Variants in OSMR observed in about 807,000 individuals in gnomAD.
The protein encoded by OSMR is oncostatin M receptor, also known as oncostatin-M-specific receptor subunit beta.
OSMR carries 81 observed loss-of-function variants against 99.9 expected under a neutral mutation model. The ratio of observed to expected loss-of-function variants is 0.81; its 90% CI spans 0.68 to 0.97. The LOEUF is 0.97. Ranked by LOEUF, OSMR falls within the 50% of genes least tolerant of loss-of-function variation. The pLI is 0.00. For missense variants in OSMR, 1,099 were observed against 1,153.4 expected (o/e 0.95, Z 0.68); for synonymous variants, 406 against 410.4 (o/e 0.99, Z 0.13).
intron 3 of OSMR, 109 bp downstream of exon 3, chr5:38,876,482 C>T (rs71621888): frequency 0.19 from 156,246 of 808,550 alleles, 16,107 homozygotes; most frequent in Admixed American, 0.28. Context: ...ATATTAGCAG[C>T]TCAAAACAGT....
chr5:38,887,806 C>T (rs1367930669), intron 7 of OSMR, among the ~76,000 whole-genome samples: 1 of 152,126 alleles, frequency 6.6e-6, no homozygotes, highest in Admixed American at 6.5e-5. Context: ...CTAAATCTTC[C>T]TGTGCGTGGA....
rs1194767611 is a variant in OSMR at position 38,924,705 on chromosome 5, T to G, written c.2044+110T>G. On this transcript the variant is annotated intron_variant, in intron 14 of 17. Coordinates refer to ENST00000274276, the MANE Select transcript of OSMR (RefSeq NM_003999.3). ...CTGTGGCCAGGCTGAATTCCCTTCT[T>G]GCATGGCTTTATACTGGAAAGGTGT... The G allele has an allele frequency of 1.1e-5, 11 of 961,692 alleles. No individual in the cohort carries two copies. The East Asian group carries it at 2.8e-4, about 24-fold the overall frequency. 59.6% of individuals were successfully genotyped at this position (961,692 alleles called of 1,614,324 possible).
At chr5:38,935,670 G>T (rs1746985434), downstream of OSMR, 1 of 152,094 alleles carries the variant, frequency 6.6e-6, no homozygotes, top group African/African-American at 2.4e-5. Context: ...TCAATGAAAT[G>T]AAAATCTAGT....
chr5:38,870,031 T>TG (rs963456591), intron 2 of OSMR, among the ~76,000 whole-genome samples: 1 of 151,786 alleles, frequency 6.6e-6, no homozygotes, highest in African/African-American at 2.4e-5. Context: ...AAAATATATT[T>TG]GGAAAAAAAA....
At chr5:38,944,664 TAG>T in intron 2 of OSMR, 1 of 1,112,372 alleles carries the variant, frequency 9.0e-7, no homozygotes. Flanking sequence ...CCTAAAGACC[TAG>T]AGATCAATTA....
intron 2 of OSMR, chr5:38,944,660 G>A: frequency 8.6e-7 from 1 of 1,157,696 alleles, no homozygotes; most frequent in East Asian, 2.4e-5. Context: ...TTCACCTAAA[G>A]ACCTAGAGAT....
intron 6 of OSMR, chr5:38,885,814 C>A: frequency 1.1e-6 from 1 of 926,034 alleles, no homozygotes; most frequent in Non-Finnish European, 1.3e-6. Flanking sequence ...GTTCTTGCCA[C>A]CCACGGGGAG....
intron 7 of OSMR, among the ~76,000 whole-genome samples, chr5:38,897,650 T>C (rs922606353): frequency 1.3e-5 from 2 of 152,060 alleles, no homozygotes; most frequent in African/African-American, 4.8e-5. Flanking sequence ...CTCCAATCTT[T>C]ATTATTTATT....
At chr5:38,874,507 T>G (rs909870266) in intron 2 of OSMR, among the ~76,000 whole-genome samples, 1 of 152,212 alleles carries the variant, frequency 6.6e-6, no homozygotes, top group Non-Finnish European at 1.5e-5. Context: ...AATCTGAAGC[T>G]TTCTACTATG....
chr5:38,932,430 G>A, intron 16 of OSMR, 33 bp from the exon 17 acceptor site: 1 of 1,537,764 alleles, frequency 6.5e-7, no homozygotes, highest in South Asian at 1.1e-5. Context: ...ACTGTACTGT[G>A]AAATTCAGTC....
Position 38,883,925 on chromosome 5 carries a change from A to G in OSMR, c.517A>G (p.Ile173Val), listed in dbSNP as rs755082047. The G allele has an allele frequency of 3.1e-6, 5 of 1,613,890 alleles. No homozygotes were observed. The highest frequency in any genetic ancestry group is 4.2e-6 in the Non-Finnish European group (5 of 1,179,742). The change falls in exon 5 of 18, where the codon ATT (isoleucine) becomes GTT (valine). Residue 173 changes from isoleucine to valine, a missense_variant. Physicochemically the swap from Ile to Val is conservative, Grantham distance 29. Coordinates refer to ENST00000274276, the MANE Select transcript of OSMR (RefSeq NM_003999.3). ...NVTICYVSRN[I>V]QNNVSCYLEG... is the part of the protein sequence containing the mutation. ...TACCATTTGTTACGTTTCTAGGAAC[A>G]TTCAAAATAATGTATCCTGTTATTT...
chr5:38,878,309 C>G (rs138939354), intron 3 of OSMR, among the ~76,000 whole-genome samples: 19 of 152,254 alleles, frequency 1.2e-4, no homozygotes, highest in African/African-American at 4.6e-4. Context: ...GGGAAGCTCC[C>G]TGTAGTGCAA....
chr5:38,943,865 T>G (rs1747881767), intron 1 of OSMR, among the ~76,000 whole-genome samples: 1 of 152,042 alleles, frequency 6.6e-6, no homozygotes, highest in Admixed American at 6.6e-5. Context: ...GACCCTGAGG[T>G]GCATTTCTTT....
At chr5:38,899,507 T>A (rs185493748) in intron 7 of OSMR, among the ~76,000 whole-genome samples, 3 of 152,270 alleles carry the variant, frequency 2.0e-5, no homozygotes, top group Admixed American at 6.5e-5. Context: ...GTAGGCACTG[T>A]AGTGGGTCTC....
At chr5:38,862,060 C>T (rs1293776308) in intron 1 of OSMR, among the ~76,000 whole-genome samples, 2 of 109,372 alleles carry the variant, frequency 1.8e-5, no homozygotes, top group South Asian at 3.5e-4. Context: ...GCAGAGGCGC[C>T]CCTCACCTCC....
intron 6 of OSMR, chr5:38,885,761 C>A: frequency 1.7e-6 from 1 of 605,540 alleles, no homozygotes; most frequent in African/African-American, 2.0e-5. Flanking sequence ...TGGGTTTACC[C>A]AATTTCTGAC....
At chr5:38,943,825 C>T (rs1747875337) in intron 1 of OSMR, among the ~76,000 whole-genome samples, 1 of 151,894 alleles carries the variant, frequency 6.6e-6, no homozygotes. Flanking sequence ...AAAAGAAATA[C>T]AAAATACAAA....
At chr5:38,861,509 T>C (rs1313806776) in intron 1 of OSMR, among the ~76,000 whole-genome samples, 2 of 152,176 alleles carry the variant, frequency 1.3e-5, no homozygotes, top group African/African-American at 2.4e-5. Flanking sequence ...AAGTCTCCCA[T>C]GTCTACCTCT....
rs138555473 is a variant in OSMR, at chr5:38,924,741, A to G, written c.2044+146A>G. 5 of 763,396 alleles carry G rather than the reference A, an allele frequency of 6.5e-6. No individual in the cohort carries two copies. In the African/African-American group the frequency reaches 8.6e-5, roughly 13 times the overall value. The allele number at this position is 763,396 out of a possible 1,614,324, so 47.3% of individuals were successfully genotyped here. A position where few individuals can be genotyped will look rare whatever the true frequency, so the allele number is the denominator to read the frequency against. ...ATACTGGAAAGGTGTTCTTAAGCAA[A>G]TTAGTAGGGTGAGCAAGATGGTGGG... On this transcript the variant is annotated intron_variant, in intron 14 of 17. Transcript: ENST00000274276.
Sources: allele counts gnomAD v4.1 joint callset (sites outside exome capture counted in the v4.1 genomes callset), GRCh38; gene constraint gnomAD v4.1.1; transcripts MANE v1.5; gene names NCBI Gene and HGNC (gene_info 2026-07-23, HGNC 2026-07-21).